The following ALKBH4 variants were observed in gnomAD, a reference collection of about 807,000 sequenced individuals.
ALKBH4 encodes the protein alkB homolog 4, lysine demethylase.
In ALKBH4, 8 loss-of-function variants were observed where a neutral mutation model predicts 12.1. The observed-to-expected ratio is 0.66, with a 90% CI of 0.39 to 1.19. The LOEUF (loss-of-function observed/expected upper bound fraction) is 1.19, where lower values mean the gene tolerates loss of function less well. Among genes scored for constraint, ALKBH4 ranks in the 50% most tolerant of loss-of-function variants. The probability of loss-of-function intolerance (pLI) is 0.01; values close to 1 mark genes in which losing one functional copy is unlikely to be tolerated. For synonymous variants in ALKBH4, 195 were observed against 191.6 expected (o/e 1.02, Z -0.15); for missense variants, 403 against 430.4 (o/e 0.94, Z 0.56).
At chr7:102,462,757 CTCTT>C (rs967193528) in intron 1 of ALKBH4, among the ~76,000 whole-genome samples, 1 of 152,144 alleles carries the variant, frequency 6.6e-6, no homozygotes, top group African/African-American at 2.4e-5. Flanking sequence ...AAAACTGAAA[CTCTT>C]TCCCTATTAA....
chr7:102,461,463 C>T (rs1370739415), intron 1 of ALKBH4, among the ~76,000 whole-genome samples: 3 of 152,030 alleles, frequency 2.0e-5, no homozygotes, highest in South Asian at 2.1e-4. Context: ...TGGGTTCAAG[C>T]GATTCTCCTG....
At position 102,459,725 on chromosome 7, in the gene ALKBH4, G is replaced by T; in HGVS notation, c.200C>A (p.Ala67Asp). The T allele has an allele frequency of 6.2e-7, 1 of 1,614,122 alleles. No homozygotes were observed. Among genetic ancestry groups the T allele is most frequent in the African/African-American group, 1.3e-5 (1 of 75,052 alleles). ...GTEESDFEGW[A>D]FPFPGVMLIE... ...CAGCATCACTCCTGGGAAGGGGAAG[G>T]CCCAGCCCTCAAAGTCAGACTCCTC... Residue 67 changes from alanine to aspartate, a missense_variant, in exon 2 of 3, where the codon GCC becomes GAC. Physicochemically the swap from Ala to Asp is moderately radical, Grantham distance 126. Transcript: ENST00000292566.
chr7:102,457,271 A>T lies in ALKBH4; in HGVS notation c.*123T>A, dbSNP rs1338669734. The T allele has an allele frequency of 4.3e-6, 5 of 1,169,236 alleles. No individual in the cohort carries two copies. The highest frequency in any genetic ancestry group is 6.1e-6 in the Non-Finnish European group (5 of 824,186). The allele number at this position is 1,169,236 out of a possible 1,614,324, so 72.4% of individuals were successfully genotyped here. On this transcript the variant is annotated 3_prime_UTR_variant, in exon 3 of 3. Coordinates refer to ENST00000292566, the MANE Select transcript of ALKBH4 (RefSeq NM_017621.4). The surrounding 1 kb of genome is among the most constrained non-coding windows in gnomAD (Gnocchi z 5.9). ...CAAAACCTGCTCCTGGGCAGGGCTC[A>T]CACTGCTCACAGCATCAGGGGTCAG... is the stretch of plus-strand genomic sequence containing the variant.
intron 1 of ALKBH4, among the ~76,000 whole-genome samples, chr7:102,463,322 CTTTTTTTT>C (rs71106683): frequency 1.7e-5 from 1 of 58,284 alleles, no homozygotes; most frequent in Admixed American, 2.8e-4. Flanking sequence ...CAAGTCATCT[CTTTTTTTT>C]TTTTTTTTTT....
At chr7:102,460,478 G>T (rs1797769537) in intron 1 of ALKBH4, among the ~76,000 whole-genome samples, 1 of 152,224 alleles carries the variant, frequency 6.6e-6, no homozygotes, top group Non-Finnish European at 1.5e-5. Context: ...GGTGCAGGCA[G>T]AGCCTCTGCC....
chr7:102,462,438 G>A (rs1415300361), intron 1 of ALKBH4, among the ~76,000 whole-genome samples: 1 of 152,080 alleles, frequency 6.6e-6, no homozygotes, highest in African/African-American at 2.4e-5. Context: ...GGCGCTCACA[G>A]CTCACTGCAG....
intron 1 of ALKBH4, among the ~76,000 whole-genome samples, chr7:102,460,623 C>T (rs1318289628): frequency 6.6e-6 from 1 of 152,212 alleles, no homozygotes; most frequent in Non-Finnish European, 1.5e-5. Context: ...ACAAAGGAGG[C>T]TCAGCAAAGT....
chr7:102,464,594 C>T, intron 1 of ALKBH4, 120 bp downstream of exon 1: 3 of 1,372,014 alleles, frequency 2.2e-6, no homozygotes, highest in Non-Finnish European at 2.9e-6. Flanking sequence ...CCCTGCATCA[C>T]CCCTACCGTA....
Position 102,464,728 on chromosome 7 carries a change from C to T in ALKBH4, c.109G>A (p.Glu37Lys). Residue 37 changes from glutamate to lysine, a missense_variant, in exon 1 of 3, where the codon GAG (glutamate) becomes AAG (lysine). Coordinates refer to ENST00000292566, the MANE Select transcript of ALKBH4 (RefSeq NM_017621.4). ...CCACCCCTTACCGCTGGGGGCAGCT[C>T]CCAGGGCGGGTCACTGCCGCGCTGC... is the stretch of plus-strand genomic sequence containing the variant. ...ERQRGSDPPW[E>K]LPPAKTYRFI... 1.3e-6 allele frequency: 2 copies of T among 1,559,506 alleles called. No homozygotes were observed. Among genetic ancestry groups the T allele is most frequent in the Non-Finnish European group, 1.7e-6 (2 of 1,156,472 alleles).
chr7:102,457,814 G>T lies in ALKBH4; in HGVS notation c.489C>A (p.Gly163=), dbSNP rs539844153. The T allele has an allele frequency of 1.2e-6, 2 of 1,609,160 alleles. No individual in the cohort carries two copies. Among genetic ancestry groups the T allele is most frequent in the Admixed American group, 1.7e-5 (1 of 59,964 alleles). The change falls in exon 3 of 3, where the codon GGC becomes GGA. Residue 163 remains glycine (G), a synonymous_variant. Transcript: ENST00000292566. This position sits in a 1 kb window ranked among gnomAD's most constrained non-coding sequence, Gnocchi z 5.9. The part of the protein sequence containing the change: ...QCNLDYCPER[G]SAIDPHLDDA... ...CGTCCAGGTGGGGGTCAATGGCAGA[G>T]CCCCGCTCGGGGCAGTAGTCCAGGT...
At chr7:102,458,652 C>T (rs1490645042) in intron 2 of ALKBH4, among the ~76,000 whole-genome samples, 9 of 150,700 alleles carry the variant, frequency 6.0e-5, no homozygotes, top group Non-Finnish European at 1.3e-4. Context: ...GTAGGAGGAT[C>T]GCTAGAGCCT....
In ALKBH4 at chr7:102,457,445, C is replaced by T. The variant is rs1418769600; in HGVS notation, c.858G>A (p.Leu286=). ...EFGPGGRQQE[L]GQELLRIALS... is the part of the protein sequence containing the mutation. Reference sequence around the variant, plus strand: ...GGGCGATCCGCAGCAGTTCCTGGCCCAGCTCTTGCTGCCTCCCTCCAGGGC... The same window carrying T: ...GGGCGATCCGCAGCAGTTCCTGGCCTAGCTCTTGCTGCCTCCCTCCAGGGC... The change falls in exon 3 of 3, where the codon CTG becomes CTA. Residue 286 remains leucine (L), a synonymous_variant. Coordinates refer to ENST00000292566, the MANE Select transcript of ALKBH4 (RefSeq NM_017621.4). This position sits in a 1 kb window ranked among gnomAD's most constrained non-coding sequence, Gnocchi z 5.9. 2.5e-6 allele frequency: 4 copies of T among 1,613,510 alleles called. No individual in the cohort carries two copies. The highest frequency in any genetic ancestry group is 2.2e-5 in the East Asian group (1 of 44,876).
At chr7:102,463,522 G>T (rs912056211) in intron 1 of ALKBH4, among the ~76,000 whole-genome samples, 2 of 150,498 alleles carry the variant, frequency 1.3e-5, no homozygotes, top group Non-Finnish European at 3.0e-5. Context: ...TAGAGGCAGG[G>T]TTTCGCCATG....
At chr7:102,459,529 G>C in intron 2 of ALKBH4, 75 bp downstream of exon 2, 1 of 1,505,600 alleles carries the variant, frequency 6.6e-7, no homozygotes, top group Non-Finnish European at 8.9e-7. Context: ...GCTGCAAGGA[G>C]GGGGATGGCC....
At chr7:102,460,218 A>G (rs1297498223) in intron 1 of ALKBH4, among the ~76,000 whole-genome samples, 2 of 151,574 alleles carry the variant, frequency 1.3e-5, no homozygotes, top group East Asian at 3.9e-4. Flanking sequence ...TCAGCTACTC[A>G]GGAGGCTGAG....
chr7:102,462,955 C>CTTTTT (rs200495061), intron 1 of ALKBH4, among the ~76,000 whole-genome samples: 1 of 121,912 alleles, frequency 8.2e-6, no homozygotes, highest in Non-Finnish European at 1.7e-5. Flanking sequence ...TCAAAATGTC[C>CTTTTT]TTTTTTTTTT....
intron 1 of ALKBH4, among the ~76,000 whole-genome samples, chr7:102,460,705 A>C (rs147897081): frequency 2.0e-5 from 3 of 152,092 alleles, no homozygotes; most frequent in Non-Finnish European, 2.9e-5. Flanking sequence ...GGAGGCCCCA[A>C]ACTGCCTGAC....
intron 2 of ALKBH4, among the ~76,000 whole-genome samples, chr7:102,458,737 A>C (rs79131594): frequency 0.045 from 120 of 2,640 alleles, no homozygotes; most frequent in Non-Finnish European, 0.066. Flanking sequence ...ACCCTGTCTC[A>C]AAAAAAAAAA....
At position 102,459,607 on chromosome 7, in the gene ALKBH4, C is replaced by A; in HGVS notation, c.318G>T (p.Lys106Asn). ...CATGAGCTCAGGGCCGGTCTACCTG[C>A]TTCCTCCGTCCAGACTGGGAGAGCT... is the stretch of plus-strand genomic sequence containing the variant. Reference protein sequence around the residue: ...PWKLSQSGRRKQDYGPKVNFR... With the variant: ...PWKLSQSGRRNQDYGPKVNFR... Residue 106 changes from lysine (K) to asparagine (N), a missense_variant, in exon 2 of 3, where the codon AAG becomes AAT. Transcript: ENST00000292566. 1 of 1,612,486 alleles carries A rather than the reference C, an allele frequency of 6.2e-7. No individual in the cohort carries two copies. Among genetic ancestry groups the A allele is most frequent in the Non-Finnish European group, 8.5e-7 (1 of 1,179,090 alleles).
Sources: allele counts gnomAD v4.1 joint callset (sites outside exome capture counted in the v4.1 genomes callset), GRCh38; gene constraint gnomAD v4.1.1; non-coding constraint Gnocchi (gnomAD v3.1); transcripts MANE v1.5; gene names NCBI Gene and HGNC (gene_info 2026-07-23, HGNC 2026-07-21).